The following SNX24 variants were observed in gnomAD, a reference collection of about 807,000 sequenced individuals.
SNX24 encodes the protein sorting nexin-24.
SNX24 carries 22 observed loss-of-function variants against 28.7 expected under a neutral mutation model. That is an observed-to-expected ratio of 0.77 (90% confidence interval 0.55 to 1.10). The LOEUF is 1.10. SNX24 is among the 50% of genes least tolerant of loss of function. The pLI, the probability that SNX24 is intolerant of heterozygous loss-of-function variation, is 0.00. For missense variants in SNX24, 221 were observed against 201.1 expected (o/e 1.10, Z -0.60); for synonymous variants, 69 against 71.5 (o/e 0.96, Z 0.18).
At chr5:122,892,945 T>C (rs1373500260) in intron 1 of SNX24, among the ~76,000 whole-genome samples, 4 of 151,464 alleles carry the variant, frequency 2.6e-5, no homozygotes, top group African/African-American at 4.9e-5. Context: ...TTTGTATTTT[T>C]AGTAGAGATG....
chr5:123,011,763 G>C (rs1168294992), downstream of SNX24, among the ~76,000 whole-genome samples: 1 of 152,134 alleles, frequency 6.6e-6, no homozygotes. Flanking sequence ...GTGGGAAATG[G>C]TATAACTTCT....
intron 5 of SNX24, 60 bp from the exon 6 acceptor site, chr5:123,001,880 T>C: frequency 7.2e-7 from 1 of 1,393,398 alleles, no homozygotes; most frequent in Non-Finnish European, 1.0e-6. Flanking sequence ...AGCTAGTTTG[T>C]AGTGTTTTCT....
In SNX24 at chr5:122,930,265, G is replaced by T. The variant is rs572897481; in HGVS notation, c.61-6469G>T. Among the ~76,000 whole-genome samples the T allele has an allele frequency of 9.2e-5, 14 of 152,268 alleles. No individual in the cohort carries two copies. The South Asian group carries it at 1.7e-3, about 18-fold the overall frequency. Reference sequence around the variant, plus strand: ...CTTTTGATCTATCTTTCCATTGGCAGTTCTACACCTTCAGTAAGTTTTTCA... The same window carrying T: ...CTTTTGATCTATCTTTCCATTGGCATTTCTACACCTTCAGTAAGTTTTTCA... On this transcript the variant is annotated intron_variant, in intron 1 of 6. Coordinates refer to ENST00000261369, the MANE Select transcript of SNX24 (RefSeq NM_014035.4).
chr5:122,943,604 C>T (rs114617781), intron 2 of SNX24, among the ~76,000 whole-genome samples: 4,280 of 152,028 alleles, frequency 0.028, 72 homozygotes, highest in Middle Eastern at 0.054. Flanking sequence ...CCTTTTTTTT[C>T]TTGCTGGCTG....
Position 122,969,364 on chromosome 5 carries a change from T to C in SNX24, c.249+23205T>C, listed in dbSNP as rs368671517. On this transcript the variant is annotated intron_variant, in intron 3 of 6. Transcript: ENST00000261369. ...ATGGAGTTAAGGTCTTAAGAAAGTC[T>C]AACACTTTCTAAAACATTTCCTGGT... is the stretch of plus-strand genomic sequence containing the variant. 1.1e-4 allele frequency among the ~76,000 whole-genome samples: 17 copies of C among 152,306 alleles called. 2 individuals carry two copies. Among genetic ancestry groups the C allele is most frequent in the East Asian group, 3.9e-4 (2 of 5,178 alleles).
intron 2 of SNX24, among the ~76,000 whole-genome samples, chr5:122,941,079 C>T (rs1759424297): frequency 6.6e-6 from 1 of 152,212 alleles, no homozygotes; most frequent in Non-Finnish European, 1.5e-5. Flanking sequence ...CTTTCTGATT[C>T]ATGCAGATAA....
intron 1 of SNX24, among the ~76,000 whole-genome samples, chr5:122,897,606 A>G (rs891607455): frequency 4.6e-5 from 7 of 152,338 alleles, no homozygotes; most frequent in African/African-American, 1.7e-4. Flanking sequence ...GTGACAATAC[A>G]AGAATATTGT....
At chr5:122,851,734 G>T (rs1037510549) in intron 1 of SNX24, among the ~76,000 whole-genome samples, 2 of 151,770 alleles carry the variant, frequency 1.3e-5, no homozygotes, top group Admixed American at 1.3e-4. Flanking sequence ...TACAAAAATA[G>T]AACAATTTAA....
intron 1 of SNX24, among the ~76,000 whole-genome samples, chr5:122,846,431 A>C (rs1263357981): frequency 1.3e-5 from 2 of 152,218 alleles, no homozygotes; most frequent in Admixed American, 6.5e-5. Context: ...TGCTAGTGGG[A>C]GAAATGTCTG....
intron 1 of SNX24, among the ~76,000 whole-genome samples, chr5:122,893,535 CAT>C (rs1482013471): frequency 5.9e-5 from 9 of 152,054 alleles, no homozygotes; most frequent in Non-Finnish European, 1.0e-4. Flanking sequence ...CATATATACA[CAT>C]AGTTATATAT....
chr5:122,947,591 A>T (rs1265011096), intron 3 of SNX24, among the ~76,000 whole-genome samples: 2 of 152,092 alleles, frequency 1.3e-5, no homozygotes, highest in African/African-American at 4.8e-5. Flanking sequence ...GGAAATGGGG[A>T]TTATTACAAA....
At chr5:122,926,645 T>C (rs1023013554) in intron 1 of SNX24, among the ~76,000 whole-genome samples, 1 of 149,846 alleles carries the variant, frequency 6.7e-6, no homozygotes, top group African/African-American at 2.4e-5. Flanking sequence ...GTTTAAGAAC[T>C]GTTGGGGAAG....
intron 3 of SNX24, among the ~76,000 whole-genome samples, chr5:122,981,419 A>G (rs76628832): frequency 0.039 from 5,936 of 152,224 alleles, 181 homozygotes; most frequent in East Asian, 0.1. Context: ...AAAAAGATGT[A>G]CTTTTAAAAA....
chr5:122,940,851 G>A (rs1235681148), intron 2 of SNX24, among the ~76,000 whole-genome samples: 1 of 152,192 alleles, frequency 6.6e-6, no homozygotes, highest in Non-Finnish European at 1.5e-5. Context: ...GGGATTACAG[G>A]CGTGAGCCAC....
chr5:122,953,877 C>A (rs193221106), intron 3 of SNX24, among the ~76,000 whole-genome samples: 1 of 152,182 alleles, frequency 6.6e-6, no homozygotes, highest in Admixed American at 6.5e-5. Context: ...ATAATCTAAG[C>A]TAATAATACA....
chr5:123,023,836 A>ACACACC (rs750956100), intron 5 of SNX24: 2 of 1,602,836 alleles, frequency 1.2e-6, no homozygotes, highest in African/African-American at 2.7e-5. Context: ...ACACACACAC[A>ACACACC]CCCCTGCCAA....
chr5:123,002,082 T>C (rs764270408), intron 6 of SNX24, 78 bp downstream of exon 6: 109 of 1,095,840 alleles, frequency 9.9e-5, no homozygotes, highest in Non-Finnish European at 1.3e-4. Context: ...TTAATACAGG[T>C]CTAACAGAGT....
intron 3 of SNX24, among the ~76,000 whole-genome samples, chr5:122,972,133 T>G (rs1760985286): frequency 6.6e-6 from 1 of 152,214 alleles, no homozygotes; most frequent in African/African-American, 2.4e-5. Flanking sequence ...CTTCTTAGCC[T>G]GTTGACTTAG....
At chr5:122,929,779 T>C (rs1043768472) in intron 1 of SNX24, among the ~76,000 whole-genome samples, 2 of 152,118 alleles carry the variant, frequency 1.3e-5, no homozygotes, top group African/African-American at 2.4e-5. Flanking sequence ...TTATTCTAAT[T>C]TGAACACTTT....
Sources: gnomAD v4.1 joint callset for allele counts (sites outside exome capture counted in the v4.1 genomes callset) on GRCh38, gnomAD v4.1.1 for gene constraint, MANE v1.5 for transcripts, NCBI Gene and HGNC (gene_info 2026-07-23, HGNC 2026-07-21) for gene names.